The following USH2A variants were observed in gnomAD, a reference collection of about 807,000 sequenced individuals.
The protein encoded by USH2A is Usher syndrome 2A (autosomal recessive, mild).
Under a neutral mutation model 538.9 loss-of-function variants are expected in USH2A, and 443 were observed. The observed-to-expected ratio is 0.82, with a 90% CI of 0.76 to 0.89. The LOEUF (loss-of-function observed/expected upper bound fraction) is 0.89, where lower values mean the gene tolerates loss of function less well. Ranked by LOEUF, USH2A falls within the 40% of genes least tolerant of loss-of-function variation. USH2A has a pLI of 0.00. For synonymous variants in USH2A, 2,413 were observed against 2,273.5 expected, an observed-to-expected ratio of 1.06 and a Z score of -1.75; for missense variants, 6,633 against 6,324.8, an observed-to-expected ratio of 1.05 and a Z score of -1.65.
chr1:216,096,343 C>T (rs2102572043), intron 22 of USH2A, among the ~76,000 whole-genome samples: 1 of 152,330 alleles, frequency 6.6e-6, no homozygotes, highest in Non-Finnish European at 1.5e-5. Flanking sequence ...TGCCTGGAAA[C>T]TTTATGCTCA....
intron 47 of USH2A, among the ~76,000 whole-genome samples, chr1:215,825,133 A>G (rs1663118709): frequency 6.6e-6 from 1 of 152,076 alleles, no homozygotes; most frequent in Non-Finnish European, 1.5e-5. Flanking sequence ...TTTCTTTTTA[A>G]TTATGTCATA....
At chr1:216,168,203 C>A (rs1279312213) in intron 21 of USH2A, among the ~76,000 whole-genome samples, 1 of 152,034 alleles carries the variant, frequency 6.6e-6, no homozygotes, top group Non-Finnish European at 1.5e-5. Context: ...CCTTTTCCAA[C>A]CCATTTAAGC....
At chr1:216,379,463 A>C (rs1036771416) in intron 3 of USH2A, among the ~76,000 whole-genome samples, 3 of 152,172 alleles carry the variant, frequency 2.0e-5, no homozygotes, top group African/African-American at 7.2e-5. Context: ...CAAAAAAAAA[A>C]AGCAGAAAAC....
chr1:215,714,632 A>G (rs2102701196), intron 61 of USH2A, among the ~76,000 whole-genome samples: 1 of 152,288 alleles, frequency 6.6e-6, no homozygotes, highest in East Asian at 1.9e-4. Context: ...AGAAGGAAAA[A>G]GGGCTTAAAG....
chr1:216,342,507 A>G (rs2038094481), intron 4 of USH2A, among the ~76,000 whole-genome samples: 1 of 152,186 alleles, frequency 6.6e-6, no homozygotes, highest in Admixed American at 6.5e-5. Context: ...AAAGGAATAT[A>G]AATTATTCTA....
intron 9 of USH2A, among the ~76,000 whole-genome samples, chr1:216,294,624 T>C (rs1407143479): frequency 1.3e-5 from 2 of 151,600 alleles, no homozygotes; most frequent in Non-Finnish European, 3.0e-5. Context: ...TATCAAAGAG[T>C]ATAAACATTT....
intron 56 of USH2A, among the ~76,000 whole-genome samples, chr1:215,761,495 A>G (rs79800126): frequency 0.011 from 1,658 of 152,244 alleles, 23 homozygotes; most frequent in African/African-American, 0.038. Context: ...AGTTAGTTCC[A>G]TGGTAGCAGG....
At chr1:216,286,751 A>AT in intron 11 of USH2A, among the ~76,000 whole-genome samples, 1 of 151,878 alleles carries the variant, frequency 6.6e-6, no homozygotes, top group African/African-American at 2.4e-5. Flanking sequence ...AAATAAATAA[A>AT]AACCTATTTT....
chr1:216,116,420 A>G (rs569081293), intron 21 of USH2A, among the ~76,000 whole-genome samples: 5 of 152,224 alleles, frequency 3.3e-5, no homozygotes, highest in Admixed American at 3.3e-4. Flanking sequence ...AGTGACCTTG[A>G]CCTTGGAATG....
rs145214663 is a variant in USH2A, at chr1:215,674,155, G to T, written c.13756C>A (p.His4586Asn). Residue 4586 changes from histidine to asparagine, a missense_variant, in exon 63 of 72, where the codon CAT becomes AAT. By Grantham distance (68) the His-to-Asn change is moderately conservative. Transcript: ENST00000307340. ...TATGACTGCATACCAAAAGAATTAT[G>T]AGTTGTGTTTATGTGTATGATTTTA... ...ETKIIHINTT[H>N]NSFGMQSYIV... The T allele has an allele frequency of 6.2e-7, 1 of 1,614,100 alleles. No homozygotes were observed.
chr1:215,758,681 G>C lies in USH2A; in HGVS notation c.11303C>G (p.Pro3768Arg). The C allele has an allele frequency of 6.2e-7, 1 of 1,613,714 alleles. No individual in the cohort carries two copies. Residue 3768 changes from proline (P) to arginine (R), a missense_variant, in exon 58 of 72, where the codon CCT becomes CGT. Transcript: ENST00000307340. ...SASDDYIVQT[P>R]MSTPEEIYPP... ...ATAGATTTCTTCTGGTGTTGACATA[G>C]GTGTTTGAACAATGTAATCATCACT... is the stretch of plus-strand genomic sequence containing the variant.
intron 37 of USH2A, among the ~76,000 whole-genome samples, chr1:215,942,483 T>C (rs1666658991): frequency 2.0e-5 from 3 of 152,156 alleles, no homozygotes; most frequent in African/African-American, 2.4e-5. Context: ...CTCTGAACTG[T>C]ATATATGAAT....
intron 63 of USH2A, among the ~76,000 whole-genome samples, chr1:215,672,938 T>C (rs923621734): frequency 1.3e-5 from 2 of 152,208 alleles, no homozygotes; most frequent in African/African-American, 4.8e-5. Context: ...CTTTCACCTC[T>C]AGAATACTTT....
chr1:215,665,475 G>A (rs1489456128), intron 64 of USH2A, among the ~76,000 whole-genome samples: 1 of 152,144 alleles, frequency 6.6e-6, no homozygotes, highest in African/African-American at 2.4e-5. Flanking sequence ...GAAAGGGGGG[G>A]TGGTGGCGGG....
intron 64 of USH2A, 96 bp from the exon 65 acceptor site, chr1:215,650,897 C>G: frequency 7.4e-7 from 1 of 1,350,662 alleles, no homozygotes; most frequent in Admixed American, 2.1e-5. Context: ...AATTGGCAAC[C>G]AAAAGCAACT....
At chr1:215,834,032 T>A (rs1300273369) in intron 47 of USH2A, among the ~76,000 whole-genome samples, 1 of 152,072 alleles carries the variant, frequency 6.6e-6, no homozygotes. Flanking sequence ...AAAATGACTA[T>A]TTAAAAAATA....
chr1:216,325,585 A>T lies in USH2A; in HGVS notation c.863T>A (p.Val288Asp). The T allele has an allele frequency of 6.2e-7, 1 of 1,613,100 alleles. No homozygotes were observed. Among genetic ancestry groups the T allele is most frequent in the Non-Finnish European group, 8.5e-7 (1 of 1,179,518 alleles). ...CAATCTGAGAAGATCTCCAGAGAAGACTTCCAGAATCTCTCTGTGGGAGTC... is the reference window on the plus strand; with the variant it reads ...CAATCTGAGAAGATCTCCAGAGAAGTCTTCCAGAATCTCTCTGTGGGAGTC... ...VALTNREILE[V>D]FSGDLLRLHA... Residue 288 changes from valine to aspartate, a missense_variant, in exon 6 of 72, where the codon GTC (valine) becomes GAC (aspartate). By Grantham distance (152) the Val-to-Asp change is radical. Coordinates refer to ENST00000307340, the MANE Select transcript of USH2A (RefSeq NM_206933.4).
intron 47 of USH2A, among the ~76,000 whole-genome samples, chr1:215,826,977 A>G (rs4528090): frequency 0.39 from 58,740 of 152,040 alleles, 11,745 homozygotes; most frequent in Admixed American, 0.51. Context: ...GGATGGTGGT[A>G]CATTTGCAGA....
intron 61 of USH2A, among the ~76,000 whole-genome samples, chr1:215,715,849 T>C (rs1659466689): frequency 6.6e-6 from 1 of 152,200 alleles, no homozygotes; most frequent in African/African-American, 2.4e-5. Context: ...TTTACACCAT[T>C]AGGAAGGCAG....
Sources: allele counts gnomAD v4.1 joint callset (sites outside exome capture counted in the v4.1 genomes callset), GRCh38; gene constraint gnomAD v4.1.1; transcripts MANE v1.5; gene names NCBI Gene and HGNC (gene_info 2026-07-23, HGNC 2026-07-21).